Variants in MTUS2 observed in about 807,000 individuals in gnomAD.
MTUS2 encodes the protein microtubule-associated tumor suppressor candidate 2.
A neutral mutation model predicts 114.1 loss-of-function variants in MTUS2; 40 were observed. The observed-to-expected ratio is 0.35, with a 90% CI of 0.27 to 0.46. The LOEUF (loss-of-function observed/expected upper bound fraction) is 0.46, where lower values mean the gene tolerates loss of function less well. Ranked by LOEUF, MTUS2 falls within the 20% of genes least tolerant of loss-of-function variation. The pLI, the probability that MTUS2 is intolerant of heterozygous loss-of-function variation, is 1.00. For missense variants in MTUS2, 1,679 were observed against 1,705.4 expected (o/e 0.98, Z 0.27); for synonymous variants, 688 against 672.0 (o/e 1.02, Z -0.37).
chr13:29,023,596 C>T lies in MTUS2; in HGVS notation c.-242-861C>T, dbSNP rs115561163. ...ATTAATCTCTGGCATAATTATAGCA[C>T]GATTACACACCCAAGAAAATTAATT... On this transcript the variant is annotated intron_variant, in intron 2 of 15. Coordinates refer to ENST00000612955, the MANE Select transcript of MTUS2 (RefSeq NM_001033602.4). Among the ~76,000 whole-genome samples the T allele has an allele frequency of 1.7e-3, 252 of 152,216 alleles. 1 individual carries two copies. The highest frequency in any genetic ancestry group is 5.7e-3 in the African/African-American group (236 of 41,528).
chr13:29,103,351 A>G (rs149397221), intron 5 of MTUS2, among the ~76,000 whole-genome samples: 2 of 152,348 alleles, frequency 1.3e-5, no homozygotes, highest in African/African-American at 4.8e-5. Context: ...CTTGGCTCCT[A>G]GGCTGCAAAC....
intron 2 of MTUS2, among the ~76,000 whole-genome samples, chr13:28,974,048 C>CT (rs1235384534): frequency 6.8e-6 from 1 of 147,912 alleles, no homozygotes; most frequent in Admixed American, 6.6e-5. Context: ...GACGTATATT[C>CT]TCTCTCCCAA....
chr13:28,854,455 T>C (rs978070605), intron 2 of MTUS2, among the ~76,000 whole-genome samples: 1 of 152,184 alleles, frequency 6.6e-6, no homozygotes, highest in Admixed American at 6.5e-5. Context: ...ATAAGGGTTG[T>C]CTGAATGTGA....
intron 5 of MTUS2, among the ~76,000 whole-genome samples, chr13:29,267,520 C>T (rs1897711685): frequency 6.6e-6 from 1 of 152,174 alleles, no homozygotes; most frequent in Admixed American, 6.5e-5. Context: ...TAGGGCAGGG[C>T]CTGACCCAGA....
At chr13:29,211,152 G>A (rs938864245) in intron 5 of MTUS2, among the ~76,000 whole-genome samples, 16 of 152,100 alleles carry the variant, frequency 1.1e-4, no homozygotes, top group Non-Finnish European at 2.1e-4. Context: ...TCCTGTGGCT[G>A]TTGTGGAGGA....
intron 8 of MTUS2, among the ~76,000 whole-genome samples, chr13:29,359,888 C>T (rs909667070): frequency 1.3e-5 from 2 of 152,138 alleles, no homozygotes; most frequent in African/African-American, 2.4e-5. Context: ...CCGTTCACGT[C>T]GGCTGTTGAT....
In MTUS2 at chr13:28,918,289, A is replaced by G. The variant is rs191925055; in HGVS notation, c.-243+78439A>G. Among the ~76,000 whole-genome samples, 12 of 152,108 alleles carry G rather than the reference A, an allele frequency of 7.9e-5. No homozygotes were observed. In the East Asian group the frequency reaches 2.1e-3, roughly 27 times the overall value. ...AAATGGGGTATTGAAGTCTCCAACT[A>G]TTATTGTATTGAGGTCTATCTCAAT... is the stretch of plus-strand genomic sequence containing the variant. On this transcript the variant is annotated intron_variant, in intron 2 of 15. Coordinates refer to ENST00000612955, the MANE Select transcript of MTUS2 (RefSeq NM_001033602.4).
intron 2 of MTUS2, among the ~76,000 whole-genome samples, chr13:29,013,623 A>C (rs1885943369): frequency 6.6e-6 from 1 of 152,250 alleles, no homozygotes; most frequent in Non-Finnish European, 1.5e-5. Flanking sequence ...GGCAATAACA[A>C]GGAACTAAAA....
intron 2 of MTUS2, among the ~76,000 whole-genome samples, chr13:28,974,737 T>C (rs774833030): frequency 6.6e-6 from 1 of 152,222 alleles, no homozygotes; most frequent in Non-Finnish European, 1.5e-5. Context: ...TTTTGTGTTA[T>C]TTTCTCGGGG....
rs372666382 is a variant in MTUS2 at position 29,158,358 on chromosome 13, C to CTTTTT, written c.2644+57407_2644+57411dup. 6.6e-3 allele frequency among the ~76,000 whole-genome samples: 213 copies of CTTTTT among 32,048 alleles called. 7 individuals carry two copies. The highest frequency in any genetic ancestry group is 0.022 in the Middle Eastern group (1 of 46). The allele number at this position is 32,048 out of a possible 152,430, so 21.0% of individuals were successfully genotyped here. On this transcript the variant is annotated intron_variant, in intron 5 of 15. Transcript: ENST00000612955. ...CACCCCCCAACCCCCGTCCACCCCG[C>CTTTTT]TTTTTTTTTTTTTTTTTTTTTTTGC...
chr13:29,270,340 C>T (rs1312220557), intron 5 of MTUS2, among the ~76,000 whole-genome samples: 1 of 152,082 alleles, frequency 6.6e-6, no homozygotes, highest in African/African-American at 2.4e-5. Context: ...GGAGTCTGGC[C>T]CCAAAGGGAG....
intron 2 of MTUS2, among the ~76,000 whole-genome samples, chr13:28,906,751 T>G (rs1033079564): frequency 3.3e-5 from 5 of 151,442 alleles, no homozygotes; most frequent in African/African-American, 1.2e-4. Flanking sequence ...GGTGGAGAGT[T>G]CTGTAGATGT....
intron 3 of MTUS2, among the ~76,000 whole-genome samples, chr13:29,027,542 TG>T (rs1337101430): frequency 6.6e-6 from 1 of 152,154 alleles, no homozygotes. Flanking sequence ...TGTTTGTTTA[TG>T]TTTTTTTTGG....
chr13:28,907,688 A>C (rs1165091414), intron 2 of MTUS2, among the ~76,000 whole-genome samples: 1 of 151,680 alleles, frequency 6.6e-6, no homozygotes, highest in African/African-American at 2.4e-5. Context: ...GGATCAATTC[A>C]ACAAAAAGAG....
chr13:28,959,448 C>A (rs562735662), intron 2 of MTUS2, among the ~76,000 whole-genome samples: 1 of 152,156 alleles, frequency 6.6e-6, no homozygotes, highest in Non-Finnish European at 1.5e-5. Context: ...GGACTTCTAG[C>A]CCTGTGTTAG....
chr13:29,214,435 T>G (rs940883284), intron 5 of MTUS2, among the ~76,000 whole-genome samples: 5 of 152,244 alleles, frequency 3.3e-5, no homozygotes, highest in African/African-American at 1.2e-4. Flanking sequence ...CATTAATTGA[T>G]GCAGTTTCTT....
At chr13:29,104,925 T>C (rs763301513) in intron 5 of MTUS2, among the ~76,000 whole-genome samples, 2 of 152,202 alleles carry the variant, frequency 1.3e-5, no homozygotes, top group Non-Finnish European at 2.9e-5. Flanking sequence ...AGAAACTTAC[T>C]GATAAAAATA....
Position 29,359,483 on chromosome 13 carries a change from C to T in MTUS2, c.3117+10C>T, listed in dbSNP as rs1268011411. The T allele has an allele frequency of 6.2e-7, 1 of 1,603,468 alleles. No homozygotes were observed. The highest frequency in any genetic ancestry group is 2.2e-5 in the East Asian group (1 of 44,548). The stretch of plus-strand genomic sequence containing the variant: ...GCATTTCTTTAGAAAGGTGAGGCCC[C>T]ATTTCGTGAAGGTCCAAGGGCATTT... On this transcript the variant is annotated intron_variant, in intron 8 of 15. Coordinates refer to ENST00000612955, the MANE Select transcript of MTUS2 (RefSeq NM_001033602.4).
At chr13:28,882,307 C>T (rs1263906121) in intron 2 of MTUS2, among the ~76,000 whole-genome samples, 1 of 152,124 alleles carries the variant, frequency 6.6e-6, no homozygotes, top group East Asian at 1.9e-4. Flanking sequence ...CTTGGCCTCC[C>T]AAAGTGCTGG....
Sources: allele counts gnomAD v4.1 joint callset (sites outside exome capture counted in the v4.1 genomes callset), GRCh38; gene constraint gnomAD v4.1.1; transcripts MANE v1.5; gene names NCBI Gene and HGNC (gene_info 2026-07-23, HGNC 2026-07-21).